STX7: variants seen among roughly 807,000 people sequenced by gnomAD.
STX7 encodes the protein syntaxin-7.
A neutral mutation model predicts 39.6 loss-of-function variants in STX7; 34 were observed. The ratio of observed to expected loss-of-function variants is 0.86; its 90% CI spans 0.65 to 1.14. The LOEUF (loss-of-function observed/expected upper bound fraction) is 1.14, where lower values mean the gene tolerates loss of function less well. Ranked by LOEUF, STX7 falls within the 50% of genes most tolerant of loss-of-function variation. STX7 has a pLI of 0.00. For missense variants in STX7, 284 were observed against 310.4 expected (o/e 0.92, Z 0.64); for synonymous variants, 119 against 99.1 (o/e 1.20, Z -1.19).
intron 9 of STX7, chr6:132,461,907 G>A (rs1210736778): frequency 1.4e-6 from 2 of 1,453,812 alleles, no homozygotes; most frequent in Non-Finnish European, 9.3e-7. Flanking sequence ...TCAAGTAGAA[G>A]TACCAAAATA....
At chr6:132,484,413 GA>G (rs1283761731) in intron 2 of STX7, among the ~76,000 whole-genome samples, 1 of 152,138 alleles carries the variant, frequency 6.6e-6, no homozygotes, top group Non-Finnish European at 1.5e-5. Flanking sequence ...ATTGTAGGCT[GA>G]ATTTGGTATC....
intron 2 of STX7, among the ~76,000 whole-genome samples, chr6:132,491,951 C>G (rs1378476751): frequency 6.6e-6 from 1 of 152,086 alleles, no homozygotes; most frequent in African/African-American, 2.4e-5. Flanking sequence ...ATCTTAAGCC[C>G]CTCTCTCCCT....
rs1457255740 is a variant in STX7, at chr6:132,454,499, C to G, written c.*6259G>C. ...GTCTCTGTATTATTTCTTACAACAG[C>G]ATGTGAATCTAGTTTCTCAAAAGTT... On this transcript the variant is annotated 3_prime_UTR_variant, in exon 10 of 10. Coordinates refer to ENST00000367941, the MANE Select transcript of STX7 (RefSeq NM_003569.3). 6.6e-6 allele frequency: 1 copy of G among 152,134 alleles called. No individual in the cohort carries two copies. Among genetic ancestry groups the G allele is most frequent in the African/African-American group, 2.4e-5 (1 of 41,432 alleles). 9.4% of individuals were successfully genotyped at this position (152,134 alleles called of 1,614,324 possible).
chr6:132,485,671 A>G (rs1474111056), intron 2 of STX7, among the ~76,000 whole-genome samples: 2 of 152,206 alleles, frequency 1.3e-5, no homozygotes, highest in Non-Finnish European at 1.5e-5. Flanking sequence ...CCTCTCCAGC[A>G]CTTGGTATGC....
intron 2 of STX7, among the ~76,000 whole-genome samples, chr6:132,498,422 TG>T (rs1775471683): frequency 6.6e-6 from 1 of 151,416 alleles, no homozygotes; most frequent in Non-Finnish European, 1.5e-5. Flanking sequence ...TTTCCTTTTT[TG>T]GGGGTATAAA....
intron 2 of STX7, among the ~76,000 whole-genome samples, chr6:132,489,822 C>A (rs988251389): frequency 6.6e-6 from 1 of 152,154 alleles, no homozygotes; most frequent in Non-Finnish European, 1.5e-5. Context: ...TTCCCGGATA[C>A]TTTAAAGGTA....
At position 132,455,230 on chromosome 6, in the gene STX7, CTGAGTT is replaced by C. The variant is rs1307363579; in HGVS notation, c.*5522_*5527del. 1 of 152,134 alleles carries C rather than the reference CTGAGTT, an allele frequency of 6.6e-6. No individual in the cohort carries two copies. Among genetic ancestry groups the C allele is most frequent in the African/African-American group, 2.4e-5 (1 of 41,424 alleles). The allele number at this position is 152,134 out of a possible 1,614,324, so 9.4% of individuals were successfully genotyped here. A position where few individuals can be genotyped will look rare whatever the true frequency, so the allele number is the denominator to read the frequency against. Reference sequence around the variant, plus strand: ...GAAAACAGGTTCTCTTCTTTCTGGTCTGAGTTTAACATTTCAGATCTCCCATTAAAC... The same window carrying C: ...GAAAACAGGTTCTCTTCTTTCTGGTCTAACATTTCAGATCTCCCATTAAAC... On this transcript the variant is annotated 3_prime_UTR_variant, in exon 10 of 10. Coordinates refer to ENST00000367941, the MANE Select transcript of STX7 (RefSeq NM_003569.3).
intron 2 of STX7, among the ~76,000 whole-genome samples, chr6:132,491,082 TCTC>T (rs764862607): frequency 1.3e-5 from 2 of 150,684 alleles, no homozygotes; most frequent in Non-Finnish European, 3.0e-5. Flanking sequence ...TCCACAGGAA[TCTC>T]CTGCCAGGAA....
intron 3 of STX7, among the ~76,000 whole-genome samples, chr6:132,473,033 C>T (rs958191484): frequency 4.6e-5 from 7 of 152,104 alleles, no homozygotes; most frequent in African/African-American, 1.7e-4. Context: ...GTGGAGCATG[C>T]CTGTGATCCC....
chr6:132,452,884 A>G lies in STX7; in HGVS notation c.*7874T>C, dbSNP rs1418289404. 1 of 152,164 alleles carries G rather than the reference A, an allele frequency of 6.6e-6. No individual in the cohort carries two copies. 9.4% of individuals were successfully genotyped at this position (152,164 alleles called of 1,614,324 possible). On this transcript the variant is annotated 3_prime_UTR_variant, in exon 10 of 10. Coordinates refer to ENST00000367941, the MANE Select transcript of STX7 (RefSeq NM_003569.3). ...GAATAGATACAGACAAGATTATTCC[A>G]AAGTTTATACGGGAAGACAAAGGAA...
chr6:132,470,749 G>C, intron 5 of STX7, 123 bp from the exon 6 acceptor site: 1 of 357,970 alleles, frequency 2.8e-6, no homozygotes, highest in Non-Finnish European at 5.2e-6. Flanking sequence ...CTGTGTGTAT[G>C]TGTGTGTGTG....
At chr6:132,499,872 C>T (rs903961506) in intron 2 of STX7, among the ~76,000 whole-genome samples, 17 of 152,174 alleles carry the variant, frequency 1.1e-4, no homozygotes, top group Non-Finnish European at 2.2e-4. Context: ...TTAGTCAAAA[C>T]AAAACTCTCC....
At chr6:132,463,936 C>A in intron 9 of STX7, 57 bp downstream of exon 9, 1 of 1,491,862 alleles carries the variant, frequency 6.7e-7, no homozygotes, top group South Asian at 1.1e-5. Flanking sequence ...AACACAAACA[C>A]ACACACACAC....
rs780067182 is a variant in STX7, at chr6:132,472,417, A to G, written c.156-42T>C. ...CGCATTACAGCCAAAGGACTAATATACTTCTTTAAGCTTCAACTCTGCCTT... is the reference window on the plus strand; with the variant it reads ...CGCATTACAGCCAAAGGACTAATATGCTTCTTTAAGCTTCAACTCTGCCTT... On this transcript the variant is annotated intron_variant, in intron 3 of 9. Coordinates refer to ENST00000367941, the MANE Select transcript of STX7 (RefSeq NM_003569.3). 2.0e-6 allele frequency: 3 copies of G among 1,467,756 alleles called. No homozygotes were observed. The East Asian group carries it at 7.0e-5, about 34-fold the overall frequency. The allele number at this position is 1,467,756 out of a possible 1,614,324, so 90.9% of individuals were successfully genotyped here. A position where few individuals can be genotyped will look rare whatever the true frequency, so the allele number is the denominator to read the frequency against.
At chr6:132,512,425 AAATT>A (rs1415200752) in intron 1 of STX7, among the ~76,000 whole-genome samples, 6 of 152,214 alleles carry the variant, frequency 3.9e-5, no homozygotes, top group African/African-American at 1.4e-4. Flanking sequence ...GTTTTTATGT[AAATT>A]AATTAAAGGT....
chr6:132,496,280 A>C (rs1775418731), intron 2 of STX7, among the ~76,000 whole-genome samples: 1 of 152,174 alleles, frequency 6.6e-6, no homozygotes, highest in Non-Finnish European at 1.5e-5. Context: ...AAAAATACTC[A>C]AATGCGAGAA....
Position 132,446,381 on chromosome 6 carries a change from C to T in STX7, c.*14377G>A, listed in dbSNP as rs1386905170. The T allele has an allele frequency of 6.6e-6, 1 of 152,038 alleles. No homozygotes were observed. Among genetic ancestry groups the T allele is most frequent in the Admixed American group, 6.6e-5 (1 of 15,248 alleles). The allele number at this position is 152,038 out of a possible 1,614,324, so 9.4% of individuals were successfully genotyped here. ...TCAATTGAAAAAAGTTTGAAAGAAA[C>T]CTTTTATACAATGTTTTCATTGTCT... On this transcript the variant is annotated 3_prime_UTR_variant, in exon 10 of 10. Transcript: ENST00000367941.
In STX7 at chr6:132,480,620, G is replaced by A. The variant is rs550090246; in HGVS notation, c.86-4958C>T. Among the ~76,000 whole-genome samples the A allele has an allele frequency of 2.0e-5, 3 of 152,262 alleles. No individual in the cohort carries two copies. The East Asian group carries it at 5.8e-4, about 29-fold the overall frequency. On this transcript the variant is annotated intron_variant, in intron 2 of 9. Coordinates refer to ENST00000367941, the MANE Select transcript of STX7 (RefSeq NM_003569.3). ...GGGGTACGCTCATACACAAGTAAAA[G>A]GGAGATGAACTGGAGGGGGCCTGAT...
At position 132,469,941 on chromosome 6, in the gene STX7, T is replaced by C; in HGVS notation, c.537+10A>G. The C allele has an allele frequency of 6.3e-7, 1 of 1,590,416 alleles. No homozygotes were observed. Among genetic ancestry groups the C allele is most frequent in the Non-Finnish European group, 8.6e-7 (1 of 1,168,980 alleles). On this transcript the variant is annotated intron_variant, in intron 7 of 9. Coordinates refer to ENST00000367941, the MANE Select transcript of STX7 (RefSeq NM_003569.3). ...AGAGCAGCAGCCCAAGTCTACAATG[T>C]AAGCCTTACTTCAAGTTGCCTGATA... is the stretch of plus-strand genomic sequence containing the variant.
Sources: gnomAD v4.1 joint callset for allele counts (sites outside exome capture counted in the v4.1 genomes callset) on GRCh38, gnomAD v4.1.1 for gene constraint, MANE v1.5 for transcripts, NCBI Gene and HGNC (gene_info 2026-07-23, HGNC 2026-07-21) for gene names.